Variants in BACE2 observed in about 807,000 individuals in gnomAD.
BACE2 encodes 56 kDa aspartic-like protease.
A neutral mutation model predicts 46.2 loss-of-function variants in BACE2; 17 were observed. The observed-to-expected ratio is 0.37, with a 90% confidence interval of 0.25 to 0.55. The LOEUF (loss-of-function observed/expected upper bound fraction) is 0.55. BACE2 is among the 20% of genes least tolerant of loss of function. BACE2 has a pLI of 0.82. For synonymous variants in BACE2, 277 were observed against 295.9 expected (o/e 0.94, Z 0.66); for missense variants, 595 against 698.1 (o/e 0.85, Z 1.66).
rs1262358548 is a variant in BACE2, at chr21:41,168,394, C to T, written c.131C>T (p.Ala44Val). ...GCCGCGGCCACGAACCGCGTAGTTG[C>T]GCCCACCCCGGGACCCGGGACCCCT... ...RVAAATNRVV[A>V]PTPGPGTPAE... is the part of the protein sequence containing the mutation. Residue 44 changes from alanine to valine, a missense_variant, in exon 1 of 9, where the codon GCG (alanine) becomes GTG (valine). Physicochemically the swap from Ala to Val is moderately conservative, Grantham distance 64. Transcript: ENST00000330333. 3 of 1,414,710 alleles carry T rather than the reference C, an allele frequency of 2.1e-6. No homozygotes were observed. The highest frequency in any genetic ancestry group is 2.8e-6 in the Non-Finnish European group (3 of 1,080,962). 87.6% of individuals were successfully genotyped at this position (1,414,710 alleles called of 1,614,324 possible). A position where few individuals can be genotyped will look rare whatever the true frequency, so the allele number is the denominator to read the frequency against.
At chr21:41,217,196 C>T (rs1410377135) in intron 1 of BACE2, among the ~76,000 whole-genome samples, 7 of 152,254 alleles carry the variant, frequency 4.6e-5, no homozygotes, top group South Asian at 2.1e-4. Flanking sequence ...CCCAAAGTGC[C>T]GGGATTACAG....
At chr21:41,221,342 G>A (rs1986640671) in intron 1 of BACE2, among the ~76,000 whole-genome samples, 1 of 152,186 alleles carries the variant, frequency 6.6e-6, no homozygotes, top group Admixed American at 6.5e-5. Flanking sequence ...GTACATTAGG[G>A]AAGTAGGAGT....
chr21:41,258,920 TC>T (rs760550615), intron 8 of BACE2, among the ~76,000 whole-genome samples: 2 of 152,242 alleles, frequency 1.3e-5, no homozygotes, highest in East Asian at 3.8e-4. Flanking sequence ...GAGACCTTTC[TC>T]TGTGGCAGCA....
intron 1 of BACE2, among the ~76,000 whole-genome samples, chr21:41,204,573 C>T (rs1341093770): frequency 6.6e-6 from 1 of 152,236 alleles, no homozygotes; most frequent in Non-Finnish European, 1.5e-5. Flanking sequence ...ATTTAACACT[C>T]ACGTTCAAGG....
intron 1 of BACE2, among the ~76,000 whole-genome samples, chr21:41,215,969 C>G (rs1385268219): frequency 3.3e-5 from 5 of 152,014 alleles, no homozygotes; most frequent in African/African-American, 1.2e-4. Flanking sequence ...TTTGGAAATT[C>G]CTAGAATAAA....
intron 1 of BACE2, among the ~76,000 whole-genome samples, chr21:41,223,986 G>A (rs183001682): frequency 7.9e-4 from 120 of 152,186 alleles, no homozygotes; most frequent in African/African-American, 2.6e-3. Flanking sequence ...GCACCTGTCC[G>A]TGAGACTAAA....
Position 41,277,591 on chromosome 21 carries a change from T to G in BACE2, c.*1967T>G, listed in dbSNP as rs2088504753. ...CACCCCTAGATTGTGCCTTCACCCT[T>G]GCTGTGAAAAATTCAAAGCCCTGAA... On this transcript the variant is annotated 3_prime_UTR_variant, in exon 9 of 9. Transcript: ENST00000330333. 6.6e-6 allele frequency: 1 copy of G among 152,232 alleles called. No individual in the cohort carries two copies. The highest frequency in any genetic ancestry group is 1.5e-5 in the Non-Finnish European group (1 of 68,036). The allele number at this position is 152,232 out of a possible 1,614,324, so 9.4% of individuals were successfully genotyped here. A position where few individuals can be genotyped will look rare whatever the true frequency, so the allele number is the denominator to read the frequency against.
rs1371053229 is a variant in BACE2, at chr21:41,175,944, A to G, written c.312+7369A>G. On this transcript the variant is annotated intron_variant, in intron 1 of 8. Coordinates refer to ENST00000330333, the MANE Select transcript of BACE2 (RefSeq NM_012105.5). The stretch of plus-strand genomic sequence containing the variant: ...TCAGAAAAGCCACTGACAAGCAGAC[A>G]GAATTGTGTGGCTTGCGCAGTGATT... 3 of 152,182 alleles carry G rather than the reference A, an allele frequency of 2.0e-5. No individual in the cohort carries two copies. In the East Asian group the frequency reaches 5.8e-4, roughly 29 times the overall value. 9.4% of individuals were successfully genotyped at this position (152,182 alleles called of 1,614,324 possible).
chr21:41,178,286 G>A (rs1275684178), intron 1 of BACE2: 1 of 152,188 alleles, frequency 6.6e-6, no homozygotes, highest in African/African-American at 2.4e-5. Flanking sequence ...CCATCCTTAA[G>A]GTCCTGTATT....
chr21:41,257,080 T>C, intron 7 of BACE2, 78 bp from the exon 8 acceptor site: 1 of 1,564,214 alleles, frequency 6.4e-7, no homozygotes, highest in African/African-American at 1.3e-5. Flanking sequence ...TGAGCATGCG[T>C]GTGACCTCAG....
Position 41,199,271 on chromosome 21 carries a change from C to T in BACE2, c.313-26995C>T, listed in dbSNP as rs554426735. Among the ~76,000 whole-genome samples, 14 of 152,130 alleles carry T rather than the reference C, an allele frequency of 9.2e-5. No homozygotes were observed. The South Asian group carries it at 1.5e-3, about 16-fold the overall frequency. On this transcript the variant is annotated intron_variant, in intron 1 of 8. Coordinates refer to ENST00000330333, the MANE Select transcript of BACE2 (RefSeq NM_012105.5). ...GTGGTGCCGGGGAGGAGCTGGCTGC[C>T]GGAGTCCCTTCCTCATCTTCCTCCA...
At chr21:41,240,314 T>C (rs906617152) in intron 3 of BACE2, among the ~76,000 whole-genome samples, 1 of 152,246 alleles carries the variant, frequency 6.6e-6, no homozygotes. Context: ...TGGGCCCCAC[T>C]GCTGCTGAAT....
At chr21:41,196,131 T>G (rs912487668) in intron 1 of BACE2, among the ~76,000 whole-genome samples, 1 of 151,040 alleles carries the variant, frequency 6.6e-6, no homozygotes, top group Non-Finnish European at 1.5e-5. Flanking sequence ...CTAAAAAAAA[T>G]AAAAATAAAA....
At chr21:41,275,346 G>A in intron 8 of BACE2, 25 bp from the exon 9 acceptor site, 1 of 1,613,620 alleles carries the variant, frequency 6.2e-7, no homozygotes, top group African/African-American at 1.3e-5. Flanking sequence ...TCACAGCTGT[G>A]GATTTTCCCT....
intron 1 of BACE2, chr21:41,175,749 T>C (rs1312078491): frequency 1.3e-5 from 2 of 152,156 alleles, no homozygotes; most frequent in Non-Finnish European, 2.9e-5. Flanking sequence ...GTACCAGCAA[T>C]GCCAGGGTTA....
chr21:41,168,582 AC>A lies in BACE2; in HGVS notation c.312+12del, dbSNP rs1293196659. On this transcript the variant is annotated splice_region_variant and intron_variant, in intron 1 of 8. Coordinates refer to ENST00000330333, the MANE Select transcript of BACE2 (RefSeq NM_012105.5). Reference sequence around the variant, plus strand: ...CGGGACCCCCCCGCAGAAGGTAGGGACCCCCGGCTGCTGCCGCGGGCTTTTC... The same window carrying A: ...CGGGACCCCCCCGCAGAAGGTAGGGACCCCGGCTGCTGCCGCGGGCTTTTC... 3.8e-6 allele frequency: 5 copies of A among 1,315,544 alleles called. No homozygotes were observed. Among genetic ancestry groups the A allele is most frequent in the African/African-American group, 1.5e-5 (1 of 66,038 alleles). 81.5% of individuals were successfully genotyped at this position (1,315,544 alleles called of 1,614,324 possible). A position where few individuals can be genotyped will look rare whatever the true frequency, so the allele number is the denominator to read the frequency against.
At chr21:41,228,439 G>T in intron 2 of BACE2, among the ~76,000 whole-genome samples, 1 of 152,184 alleles carries the variant, frequency 6.6e-6, no homozygotes, top group East Asian at 1.9e-4. Context: ...AAGAAAAGAG[G>T]TTTATTTGGC....
At chr21:41,200,204 A>G (rs568513236) in intron 1 of BACE2, among the ~76,000 whole-genome samples, 1 of 130,970 alleles carries the variant, frequency 7.6e-6, no homozygotes, top group East Asian at 2.0e-4. Context: ...AAAAAAAACA[A>G]AAAAAAAACC....
intron 1 of BACE2, among the ~76,000 whole-genome samples, chr21:41,201,659 C>T (rs887022002): frequency 3.3e-5 from 5 of 152,216 alleles, no homozygotes; most frequent in Non-Finnish European, 7.3e-5. Flanking sequence ...AGAGGCGCAA[C>T]GCACAGCTAG....
Sources: allele counts gnomAD v4.1 joint callset (sites outside exome capture counted in the v4.1 genomes callset), GRCh38; gene constraint gnomAD v4.1.1; transcripts MANE v1.5; gene names NCBI Gene and HGNC (gene_info 2026-07-23, HGNC 2026-07-21).